PLPPR1: variants seen among roughly 807,000 people sequenced by gnomAD.
PLPPR1 encodes the protein phospholipid phosphatase-related protein type 1.
Under a neutral mutation model 33.1 loss-of-function variants are expected in PLPPR1, and 10 were observed. That is an observed-to-expected ratio of 0.30 (90% CI 0.19 to 0.51). The LOEUF (loss-of-function observed/expected upper bound fraction) is 0.51, where lower values mean the gene tolerates loss of function less well. Ranked by LOEUF, PLPPR1 falls within the 20% of genes least tolerant of loss-of-function variation. The pLI is 0.97. For synonymous variants in PLPPR1, 151 were observed against 151.0 expected (o/e 1.00, Z 0.00); for missense variants, 304 against 408.1 (o/e 0.74, Z 2.20).
chr9:101,098,574 GTCATCAACAT>G (rs1830851988), intron 1 of PLPPR1, among the ~76,000 whole-genome samples: 1 of 152,106 alleles, frequency 6.6e-6, no homozygotes, highest in Admixed American at 6.6e-5. Flanking sequence ...AGCCCCAGGG[GTCATCAACAT>G]GTGAATGGTG....
At chr9:101,284,466 TTAA>T (rs1170108714) in intron 3 of PLPPR1, among the ~76,000 whole-genome samples, 1 of 152,184 alleles carries the variant, frequency 6.6e-6, no homozygotes, top group African/African-American at 2.4e-5. Flanking sequence ...GTGACTATAA[TTAA>T]TAAAATATAT....
At chr9:101,228,531 T>G (rs1827118881) in intron 2 of PLPPR1, among the ~76,000 whole-genome samples, 1 of 151,974 alleles carries the variant, frequency 6.6e-6, no homozygotes, top group African/African-American at 2.4e-5. Flanking sequence ...AGAATAAGTA[T>G]ATAAAACAGA....
intron 1 of PLPPR1, among the ~76,000 whole-genome samples, chr9:101,156,299 C>T (rs1179564670): frequency 6.6e-6 from 1 of 151,860 alleles, no homozygotes; most frequent in African/African-American, 2.4e-5. Flanking sequence ...CCTGTAATCC[C>T]AGTAATTTGA....
intron 2 of PLPPR1, among the ~76,000 whole-genome samples, chr9:101,225,990 T>A (rs1003470928): frequency 3.9e-5 from 6 of 152,004 alleles, no homozygotes; most frequent in Non-Finnish European, 7.4e-5. Context: ...AGTAAGTAAG[T>A]GAGAAAACTG....
chr9:101,316,719 G>A (rs887226592), intron 6 of PLPPR1, among the ~76,000 whole-genome samples: 6 of 151,804 alleles, frequency 4.0e-5, no homozygotes, highest in Admixed American at 1.3e-4. Context: ...GTTTTAAATG[G>A]AAGCGATAAA....
chr9:101,056,670 T>C (rs1830281957), intron 1 of PLPPR1, among the ~76,000 whole-genome samples: 1 of 152,004 alleles, frequency 6.6e-6, no homozygotes, highest in Non-Finnish European at 1.5e-5. Context: ...GTAGGGCAAA[T>C]GTACTAGAGC....
At chr9:101,080,562 T>A (rs1830604352) in intron 1 of PLPPR1, among the ~76,000 whole-genome samples, 1 of 151,958 alleles carries the variant, frequency 6.6e-6, no homozygotes, top group Non-Finnish European at 1.5e-5. Context: ...AGCAAACAAC[T>A]AACCCCCACC....
At chr9:101,250,607 C>T (rs767523326) in intron 2 of PLPPR1, among the ~76,000 whole-genome samples, 1 of 152,016 alleles carries the variant, frequency 6.6e-6, no homozygotes, top group Non-Finnish European at 1.5e-5. Context: ...AGACTAATGT[C>T]CTGCTCTCCT....
At chr9:101,078,671 C>T (rs10989384) in intron 1 of PLPPR1, among the ~76,000 whole-genome samples, 17 of 151,792 alleles carry the variant, frequency 1.1e-4, no homozygotes, top group African/African-American at 2.2e-4. Context: ...CCAGCCTGGG[C>T]GACAGAGTGA....
At chr9:101,078,117 A>G (rs548024967) in intron 1 of PLPPR1, among the ~76,000 whole-genome samples, 691 of 7,304 alleles carry the variant, frequency 0.095, 127 homozygotes, top group East Asian at 0.16. Context: ...GAAGAAGAAG[A>G]AGAAGAAGAA....
At chr9:101,191,046 T>C (rs1445689009) in intron 2 of PLPPR1, among the ~76,000 whole-genome samples, 1 of 152,130 alleles carries the variant, frequency 6.6e-6, no homozygotes, top group African/African-American at 2.4e-5. Flanking sequence ...CCCTTAAAAA[T>C]AGGATAGTGA....
intron 4 of PLPPR1, among the ~76,000 whole-genome samples, chr9:101,305,402 G>A (rs1828840469): frequency 6.6e-6 from 1 of 152,136 alleles, no homozygotes; most frequent in East Asian, 1.9e-4. Context: ...TGGACAATGA[G>A]AGATGATCCA....
intron 2 of PLPPR1, among the ~76,000 whole-genome samples, chr9:101,211,641 A>G (rs372963356): frequency 6.6e-6 from 1 of 152,220 alleles, no homozygotes; most frequent in Non-Finnish European, 1.5e-5. Context: ...TAGGCCTGGC[A>G]TGTTCTTAAA....
chr9:101,181,505 T>C (rs1404284399), intron 1 of PLPPR1, among the ~76,000 whole-genome samples: 1 of 151,300 alleles, frequency 6.6e-6, no homozygotes, highest in African/African-American at 2.4e-5. Context: ...CAAAAATATT[T>C]ATGCGTTCTC....
chr9:101,246,078 AT>A (rs1827598108), intron 2 of PLPPR1, among the ~76,000 whole-genome samples: 1 of 121,430 alleles, frequency 8.2e-6, no homozygotes, highest in Non-Finnish European at 1.8e-5. Flanking sequence ...ATATATATAT[AT>A]ATATATATAT....
At chr9:101,227,437 G>A (rs1827094810) in intron 2 of PLPPR1, among the ~76,000 whole-genome samples, 1 of 152,012 alleles carries the variant, frequency 6.6e-6, no homozygotes, top group South Asian at 2.1e-4. Flanking sequence ...TTGGTTGTTG[G>A]CTGCATGAAT....
chr9:101,300,899 A>G (rs1828738692), intron 4 of PLPPR1, among the ~76,000 whole-genome samples: 1 of 152,196 alleles, frequency 6.6e-6, no homozygotes. Context: ...AGAGGGACCG[A>G]GAAGATATTT....
chr9:101,297,361 ATTTGAAGGATAGGCT>A, intron 4 of PLPPR1, among the ~76,000 whole-genome samples: 1 of 152,294 alleles, frequency 6.6e-6, no homozygotes, highest in South Asian at 2.1e-4. Context: ...TGTGGCATGG[ATTTGAAGGATAGGCT>A]TCTGCTTCAC....
intron 2 of PLPPR1, among the ~76,000 whole-genome samples, chr9:101,190,707 C>T (rs1826282835): frequency 6.6e-6 from 1 of 152,002 alleles, no homozygotes; most frequent in Non-Finnish European, 1.5e-5. Flanking sequence ...ATACAGCAGG[C>T]AACATAAAAG....
Sources: gnomAD v4.1 joint callset for allele counts (sites outside exome capture counted in the v4.1 genomes callset) on GRCh38, gnomAD v4.1.1 for gene constraint, MANE v1.5 for transcripts, NCBI Gene and HGNC (gene_info 2026-07-23, HGNC 2026-07-21) for gene names.